Variants in TYW1 observed in about 807,000 individuals in gnomAD.
TYW1 encodes tRNA-yW synthesizing protein 1 homolog, also known as S-adenosyl-L-methionine-dependent tRNA 4-demethylwyosine synthase TYW1.
Under a neutral mutation model 96.2 loss-of-function variants are expected in TYW1, and 46 were observed. The ratio of observed to expected loss-of-function variants is 0.48; its 90% confidence interval spans 0.38 to 0.61. TYW1 has a LOEUF of 0.61. Among genes scored for constraint, TYW1 ranks in the 20% least tolerant of loss-of-function variants. The probability of loss-of-function intolerance (pLI) is 0.00; values close to 1 mark genes in which losing one functional copy is unlikely to be tolerated. For synonymous variants in TYW1, 274 were observed against 323.0 expected, an observed-to-expected ratio of 0.85 and a Z score of 1.63; for missense variants, 684 against 909.6, an observed-to-expected ratio of 0.75 and a Z score of 3.19.
chr7:67,073,422 G>A (rs754232882), intron 10 of TYW1, among the ~76,000 whole-genome samples: 2 of 152,092 alleles, frequency 1.3e-5, no homozygotes, highest in Admixed American at 6.6e-5. Context: ...TGTGTGCCAT[G>A]GTCTACAGTT....
Position 67,113,043 on chromosome 7 carries a change from C to T in TYW1, c.1563-4440C>T, listed in dbSNP as rs375033734. Among the ~76,000 whole-genome samples the T allele has an allele frequency of 1.1e-4, 16 of 152,268 alleles. No homozygotes were observed. The South Asian group carries it at 3.3e-3, about 32-fold the overall frequency. On this transcript the variant is annotated intron_variant, in intron 12 of 15. Coordinates refer to ENST00000359626, the MANE Select transcript of TYW1 (RefSeq NM_018264.4). The stretch of plus-strand genomic sequence containing the variant: ...TCCTGCTGCATCTCACAGCTGCAGG[C>T]CTTTGCATTTCTTCTTTGGACATCC...
At chr7:67,185,343 G>C (rs1413598208) in intron 14 of TYW1, among the ~76,000 whole-genome samples, 2 of 151,702 alleles carry the variant, frequency 1.3e-5, no homozygotes, top group African/African-American at 2.4e-5. Flanking sequence ...TGGTTATAGA[G>C]GGCAGTAGAG....
chr7:67,026,738 C>A (rs1436731228), intron 7 of TYW1, among the ~76,000 whole-genome samples: 1 of 151,498 alleles, frequency 6.6e-6, no homozygotes, highest in Admixed American at 6.6e-5. Context: ...GTCAAGACTC[C>A]CACATATTGA....
At position 67,018,179 on chromosome 7, in the gene TYW1, C is replaced by G. The variant is rs765899384; in HGVS notation, c.861+36C>G. On this transcript the variant is annotated intron_variant, in intron 6 of 15. Transcript: ENST00000359626. ...TGTGTGTTCATCTCTCGAGGCTTTC[C>G]TCTTCTGCTTGGAGATCTCGAGCTT... 3 of 1,592,234 alleles carry G rather than the reference C, an allele frequency of 1.9e-6. No individual in the cohort carries two copies. In the Admixed American group the frequency reaches 5.1e-5, roughly 27 times the overall value.
At chr7:67,020,031 A>G (rs1584470838) in intron 6 of TYW1, among the ~76,000 whole-genome samples, 1 of 152,288 alleles carries the variant, frequency 6.6e-6, no homozygotes, top group African/African-American at 2.4e-5. Context: ...TATGACTGCA[A>G]TGAAATTGGA....
At chr7:67,198,881 C>A (rs1338144237) in intron 15 of TYW1, among the ~76,000 whole-genome samples, 3 of 152,084 alleles carry the variant, frequency 2.0e-5, no homozygotes, top group Admixed American at 6.6e-5. Flanking sequence ...ATACAGTTCC[C>A]CCCTTCCCTT....
At chr7:67,098,304 A>G (rs1413162032) in intron 11 of TYW1, among the ~76,000 whole-genome samples, 2 of 152,274 alleles carry the variant, frequency 1.3e-5, no homozygotes, top group Non-Finnish European at 2.9e-5. Flanking sequence ...TAACAAAGCT[A>G]GTTTTGCCTG....
intron 7 of TYW1, among the ~76,000 whole-genome samples, chr7:67,032,733 G>A (rs531061870): frequency 6.6e-6 from 1 of 152,216 alleles, no homozygotes; most frequent in Admixed American, 6.5e-5. Flanking sequence ...TCCAGGGAAT[G>A]TTTTCATGGC....
chr7:67,150,089 G>T (rs1223721670), intron 13 of TYW1, among the ~76,000 whole-genome samples: 15 of 151,742 alleles, frequency 9.9e-5, no homozygotes, highest in African/African-American at 3.6e-4. Flanking sequence ...CCAGGTTGTA[G>T]GTCCATTTGT....
At chr7:67,154,519 T>C (rs1341154342) in intron 13 of TYW1, among the ~76,000 whole-genome samples, 1 of 150,600 alleles carries the variant, frequency 6.6e-6, no homozygotes, top group Admixed American at 6.6e-5. Context: ...ATCATCCCAT[T>C]CTCTCCTGTT....
chr7:67,168,762 AG>A (rs1799429527), intron 13 of TYW1, among the ~76,000 whole-genome samples: 1 of 151,272 alleles, frequency 6.6e-6, no homozygotes, highest in Admixed American at 6.6e-5. Flanking sequence ...CCCAGGCTGG[AG>A]TGCAGTGTTG....
In TYW1 at chr7:67,067,374, G is replaced by A. The variant is rs764260284; in HGVS notation, c.1245G>A (p.Ala415=). 3.8e-5 allele frequency: 62 copies of A among 1,613,842 alleles called. No homozygotes were observed. In the Middle Eastern group the frequency reaches 3.0e-3, roughly 77 times the overall value. Residue 415 remains alanine (A), a synonymous_variant, in exon 10 of 16, where the codon GCG becomes GCA. Transcript: ENST00000359626. ...GCATGGAAACCACCCCGAGCTTGGC[G>A]TGTGCTAATAAATGTGTCTTCTGTT... ...HRCMETTPSL[A]CANKCVFCWR... is the part of the protein sequence containing the mutation.
intron 8 of TYW1, among the ~76,000 whole-genome samples, chr7:67,052,558 T>C (rs1795389159): frequency 6.6e-6 from 1 of 152,124 alleles, no homozygotes; most frequent in Non-Finnish European, 1.5e-5. Context: ...AAAACAGTTA[T>C]AACTGTTTTA....
chr7:67,014,291 T>G, intron 4 of TYW1, 76 bp from the exon 5 acceptor site: 1 of 1,514,186 alleles, frequency 6.6e-7, no homozygotes, highest in Non-Finnish European at 8.8e-7. Flanking sequence ...TGAGTATGCT[T>G]TTTTTCAAAG....
chr7:67,204,974 C>T (rs148636307), intron 15 of TYW1, among the ~76,000 whole-genome samples: 116 of 152,106 alleles, frequency 7.6e-4, no homozygotes, highest in African/African-American at 2.2e-3. Context: ...ATAATACCAA[C>T]GCACATACCA....
chr7:67,015,846 C>G (rs1219821292), intron 5 of TYW1, among the ~76,000 whole-genome samples: 1 of 151,802 alleles, frequency 6.6e-6, no homozygotes, highest in Admixed American at 6.6e-5. Context: ...GCCTGTAGTT[C>G]CAGCTACTCG....
intron 13 of TYW1, among the ~76,000 whole-genome samples, chr7:67,133,332 T>C (rs1286652500): frequency 6.6e-6 from 1 of 151,948 alleles, no homozygotes; most frequent in African/African-American, 2.4e-5. Flanking sequence ...CTTGTACAGA[T>C]GGAGTCTCAC....
chr7:67,044,542 T>A (rs186025698), intron 7 of TYW1, among the ~76,000 whole-genome samples: 10 of 152,376 alleles, frequency 6.6e-5, no homozygotes, highest in Admixed American at 6.5e-4. Context: ...AGGCCCATCC[T>A]GTGCTGGCAT....
At chr7:67,098,949 G>C (rs975150598) in intron 12 of TYW1, among the ~76,000 whole-genome samples, 2 of 151,424 alleles carry the variant, frequency 1.3e-5, no homozygotes, top group Non-Finnish European at 1.5e-5. Flanking sequence ...ATTCAAAAGA[G>C]AATGAATTTT....
Sources: allele counts gnomAD v4.1 joint callset (sites outside exome capture counted in the v4.1 genomes callset), GRCh38; gene constraint gnomAD v4.1.1; transcripts MANE v1.5; gene names NCBI Gene and HGNC (gene_info 2026-07-23, HGNC 2026-07-21).